ADCY10: variants seen among roughly 807,000 people sequenced by gnomAD.
ADCY10 encodes the protein adenylate cyclase type 10.
ADCY10 carries 156 observed loss-of-function variants against 183.3 expected under a neutral mutation model. That is an observed-to-expected ratio of 0.85 (90% CI 0.75 to 0.97). The LOEUF is 0.97. ADCY10 is among the 50% of genes least tolerant of loss of function. ADCY10 has a pLI of 0.00. For synonymous variants in ADCY10, 645 were observed against 670.0 expected, an observed-to-expected ratio of 0.96 and a Z score of 0.58; for missense variants, 1,745 against 1,934.3, an observed-to-expected ratio of 0.90 and a Z score of 1.84.
intron 6 of ADCY10, among the ~76,000 whole-genome samples, chr1:167,898,920 T>A (rs1358119229): frequency 6.6e-6 from 1 of 152,156 alleles, no homozygotes; most frequent in Non-Finnish European, 1.5e-5. Flanking sequence ...TTATAGTCAA[T>A]CTGCAACTTA....
rs1665213154 is a variant in ADCY10, at chr1:167,848,395, T to A, written c.2403A>T (p.Arg801Ser). 6.2e-7 allele frequency: 1 copy of A among 1,613,898 alleles called. No individual in the cohort carries two copies. The highest frequency in any genetic ancestry group is 1.3e-5 in the African/African-American group (1 of 74,910). The change falls in exon 19 of 33, where the codon AGA becomes AGT. Residue 801 changes from arginine to serine, a missense_variant. Transcript: ENST00000367851. Reference protein sequence around the residue: ...EEVCHLTSGVRLKNLSPPTSL... With the variant: ...EEVCHLTSGVSLKNLSPPTSL... ...ACGTTGGAGGTGACAGGTTTTTCAG[T>A]CTGACACCACTTGTGAGGTGACAGA...
intron 30 of ADCY10, among the ~76,000 whole-genome samples, chr1:167,821,601 C>T (rs777571380): frequency 5.2e-4 from 79 of 152,288 alleles, no homozygotes; most frequent in Middle Eastern, 3.4e-3. Flanking sequence ...CTCAATATTA[C>T]GAAGCCCGCT....
chr1:167,908,070 C>T (rs1669929913), intron 1 of ADCY10, among the ~76,000 whole-genome samples: 1 of 152,122 alleles, frequency 6.6e-6, no homozygotes. Context: ...GGTATATACC[C>T]AAAGGAATTG....
At chr1:167,904,308 G>A (rs1431669522) in intron 2 of ADCY10, among the ~76,000 whole-genome samples, 3 of 151,910 alleles carry the variant, frequency 2.0e-5, no homozygotes, top group Admixed American at 6.6e-5. Context: ...GGATGGTCTC[G>A]AACTCCTGAC....
At position 167,833,068 on chromosome 1, in the gene ADCY10, G is replaced by C; in HGVS notation, c.3512C>G (p.Ser1171Cys). 1 of 1,614,190 alleles carries C rather than the reference G, an allele frequency of 6.2e-7. No individual in the cohort carries two copies. Among genetic ancestry groups the C allele is most frequent in the Non-Finnish European group, 8.5e-7 (1 of 1,180,052 alleles). The change falls in exon 25 of 33, where the codon TCC (serine) becomes TGC (cysteine). Residue 1171 changes from serine to cysteine, a missense_variant. Ser to Cys is a moderately radical substitution (Grantham distance 112). Transcript: ENST00000367851. ...LNRIFPYNLI[S>C]LFLHIHVEKN... ...CTCGACATGGATATGGAGAAACAAGGAGATTAAGTTGTAAGGAAAGATTCG... is the reference window on the plus strand; with the variant it reads ...CTCGACATGGATATGGAGAAACAAGCAGATTAAGTTGTAAGGAAAGATTCG...
rs774189988 is a variant in ADCY10, at chr1:167,840,703, TA to T, written c.3008-3386del. Among the ~76,000 whole-genome samples the T allele has an allele frequency of 4.6e-5, 7 of 152,012 alleles. No homozygotes were observed. In the East Asian group the frequency reaches 1.4e-3, roughly 29 times the overall value. ...TCATTTTTTTCATTTACAAAGGAGA[TA>T]TTATATTAAGAGTTTCCTACTACAA... is the stretch of plus-strand genomic sequence containing the variant. On this transcript the variant is annotated intron_variant, in intron 21 of 32. Transcript: ENST00000367851.
intron 12 of ADCY10, among the ~76,000 whole-genome samples, chr1:167,876,793 T>A (rs1667498555): frequency 6.6e-6 from 1 of 152,196 alleles, no homozygotes; most frequent in Non-Finnish European, 1.5e-5. Flanking sequence ...CTCAGCCTTG[T>A]GAATGCTTTT....
chr1:167,844,501 C>T (rs1664862258), intron 21 of ADCY10, among the ~76,000 whole-genome samples: 1 of 152,176 alleles, frequency 6.6e-6, no homozygotes, highest in African/African-American at 2.4e-5. Flanking sequence ...TTTGGGGGAG[C>T]TCAGGTATAA....
At position 167,878,399 on chromosome 1, in the gene ADCY10, C is replaced by A. The variant is rs778366212; in HGVS notation, c.1406+47G>T. Reference sequence around the variant, plus strand: ...TGACTGCTTTGCTATCATAATTCTCCCGCTTCTTTACTAAAATATACTTCA... The same window carrying A: ...TGACTGCTTTGCTATCATAATTCTCACGCTTCTTTACTAAAATATACTTCA... On this transcript the variant is annotated intron_variant, in intron 12 of 32. Transcript: ENST00000367851. 6 of 1,591,388 alleles carry A rather than the reference C, an allele frequency of 3.8e-6. 1 individual carries two copies. The South Asian group carries it at 6.6e-5, about 18-fold the overall frequency.
chr1:167,850,041 G>T (rs567841085), intron 18 of ADCY10, among the ~76,000 whole-genome samples: 1 of 152,126 alleles, frequency 6.6e-6, no homozygotes, highest in Non-Finnish European at 1.5e-5. Flanking sequence ...AGAGGGAAAG[G>T]TCACAGATTT....
intron 8 of ADCY10, among the ~76,000 whole-genome samples, chr1:167,889,216 T>C (rs1668441657): frequency 6.6e-6 from 1 of 152,242 alleles, no homozygotes; most frequent in Admixed American, 6.5e-5. Context: ...CGGTCTATTC[T>C]ATATGGCTTT....
rs1289303230 is a variant in ADCY10 at position 167,823,131 on chromosome 1, A to T, written c.4053-8T>A. On this transcript the variant is annotated splice_region_variant and splice_polypyrimidine_tract_variant and intron_variant, in intron 28 of 32. Transcript: ENST00000367851. ...TGGATCAATTGCGGGTATCTATGGA[A>T]AAGAAAAGGTAGTGGCCATTAAAAA... 2 of 1,612,950 alleles carry T rather than the reference A, an allele frequency of 1.2e-6. No individual in the cohort carries two copies. Among genetic ancestry groups the T allele is most frequent in the Non-Finnish European group, 1.7e-6 (2 of 1,179,050 alleles).
At position 167,869,701 on chromosome 1, in the gene ADCY10, C is replaced by T. The variant is rs1219916029; in HGVS notation, c.1616+556G>A. Among the ~76,000 whole-genome samples the T allele has an allele frequency of 2.6e-5, 4 of 152,194 alleles. No homozygotes were observed. In the East Asian group the frequency reaches 5.8e-4, roughly 22 times the overall value. On this transcript the variant is annotated intron_variant, in intron 14 of 32. Coordinates refer to ENST00000367851, the MANE Select transcript of ADCY10 (RefSeq NM_018417.6). ...CCACCAGTGCTCACAGCCCCTGTCACGTACCCCCTGGCTTACTCAATCGAT... is the reference window on the plus strand; with the variant it reads ...CCACCAGTGCTCACAGCCCCTGTCATGTACCCCCTGGCTTACTCAATCGAT...
chr1:167,885,788 G>T (rs1475036807), intron 8 of ADCY10, among the ~76,000 whole-genome samples: 1 of 151,982 alleles, frequency 6.6e-6, no homozygotes, highest in African/African-American at 2.4e-5. Context: ...CTAATTTTTT[G>T]TATTTTTAGT....
chr1:167,834,506 A>G (rs1664045297), intron 23 of ADCY10: 2 of 263,176 alleles, frequency 7.6e-6, no homozygotes, highest in Admixed American at 1.0e-4. Flanking sequence ...TGAATTATGA[A>G]TCACCCCCAC....
intron 12 of ADCY10, among the ~76,000 whole-genome samples, chr1:167,877,111 C>T (rs898649766): frequency 1.3e-5 from 2 of 151,634 alleles, no homozygotes; most frequent in African/African-American, 2.4e-5. Flanking sequence ...TGTGATTGCC[C>T]GTAAGGTCAC....
intron 3 of ADCY10, among the ~76,000 whole-genome samples, chr1:167,903,175 G>C (rs1414825102): frequency 6.6e-6 from 1 of 152,156 alleles, no homozygotes; most frequent in African/African-American, 2.4e-5. Flanking sequence ...AGAATCGCTT[G>C]AACCTGGGAG....
At chr1:167,886,183 ATTGGAAAAATCTACT>A (rs1342923021) in intron 8 of ADCY10, among the ~76,000 whole-genome samples, 1 of 152,194 alleles carries the variant, frequency 6.6e-6, no homozygotes, top group Non-Finnish European at 1.5e-5. Flanking sequence ...TCTTCACAGA[ATTGGAAAAATCTACT>A]TTAAAGTTCA....
chr1:167,823,513 C>G (rs1025718926), intron 28 of ADCY10, among the ~76,000 whole-genome samples: 4 of 150,282 alleles, frequency 2.7e-5, no homozygotes, highest in African/African-American at 9.8e-5. Context: ...TAAAAGACTA[C>G]ATGTTGGGTA....
Sources: allele counts gnomAD v4.1 joint callset (sites outside exome capture counted in the v4.1 genomes callset), GRCh38; gene constraint gnomAD v4.1.1; transcripts MANE v1.5; gene names NCBI Gene and HGNC (gene_info 2026-07-23, HGNC 2026-07-21).